Variants in NTRK3 observed in about 807,000 individuals in gnomAD.
The protein encoded by NTRK3 is NT-3 growth factor receptor.
Under a neutral mutation model 91.7 loss-of-function variants are expected in NTRK3, and 24 were observed. The ratio of observed to expected loss-of-function variants is 0.26; its 90% confidence interval spans 0.19 to 0.37. NTRK3 has a LOEUF of 0.37. NTRK3 is among the 10% of genes least tolerant of loss of function. The pLI is 1.00. For missense variants in NTRK3, 880 were observed against 1,068.9 expected (o/e 0.82, Z 2.46); for synonymous variants, 483 against 404.0 (o/e 1.20, Z -2.34).
At position 87,943,020 on chromosome 15, in the gene NTRK3, T is replaced by G. The variant is rs141292295; in HGVS notation, c.1586-2267A>C. On this transcript the variant is annotated intron_variant, in intron 14 of 18. Coordinates refer to ENST00000394480, the Ensembl canonical transcript of NTRK3. Reference sequence around the variant, plus strand: ...CCCCAGACTCCACCCCAATCCCACCTTTCCTCTGCATTGTAATAGGAGAAC... The same window carrying G: ...CCCCAGACTCCACCCCAATCCCACCGTTCCTCTGCATTGTAATAGGAGAAC... Among the ~76,000 whole-genome samples, 390 of 152,184 alleles carry G rather than the reference T, an allele frequency of 2.6e-3. 1 individual carries two copies. Among genetic ancestry groups the G allele is most frequent in the Non-Finnish European group, 4.6e-3 (311 of 68,012 alleles).
chr15:88,112,174 A>G (rs113509337), intron 13 of NTRK3, among the ~76,000 whole-genome samples: 538 of 152,248 alleles, frequency 3.5e-3, no homozygotes, highest in South Asian at 8.1e-3. Flanking sequence ...CCAAAGTGCT[A>G]GGATTACAGG....
At chr15:88,036,675 C>T (rs1417791533) in intron 13 of NTRK3, among the ~76,000 whole-genome samples, 5 of 152,124 alleles carry the variant, frequency 3.3e-5, no homozygotes, top group Non-Finnish European at 5.9e-5. Flanking sequence ...GGATCCATGC[C>T]CAGGCTGTCT....
chr15:88,120,821 T>G (rs1033353142), intron 13 of NTRK3, among the ~76,000 whole-genome samples: 1 of 152,224 alleles, frequency 6.6e-6, no homozygotes, highest in African/African-American at 2.4e-5. Flanking sequence ...AAGTCAAGTA[T>G]GTGGAAAAGC....
At chr15:87,956,764 G>T (rs1168496917) in intron 14 of NTRK3, among the ~76,000 whole-genome samples, 2 of 150,572 alleles carry the variant, frequency 1.3e-5, no homozygotes, top group Non-Finnish European at 3.0e-5. Flanking sequence ...TAGAGATGGG[G>T]TTTCGCCATG....
At chr15:87,988,643 G>T (rs1272122381) in intron 14 of NTRK3, among the ~76,000 whole-genome samples, 1 of 152,162 alleles carries the variant, frequency 6.6e-6, no homozygotes, top group African/African-American at 2.4e-5. Context: ...TAATTTAATG[G>T]TGTTTAGGGA....
chr15:88,025,932 A>G (rs28643331), intron 14 of NTRK3, among the ~76,000 whole-genome samples: 36,678 of 151,980 alleles, frequency 0.24, 7,296 homozygotes, highest in African/African-American at 0.55. Context: ...GCACTCCAGC[A>G]TGGGGACAAG....
At chr15:87,914,567 A>G (rs1370285853) in intron 17 of NTRK3, among the ~76,000 whole-genome samples, 1 of 152,254 alleles carries the variant, frequency 6.6e-6, no homozygotes, top group Non-Finnish European at 1.5e-5. Flanking sequence ...ACTTTTATTA[A>G]GCATTTTTAA....
At chr15:88,214,582 A>G (rs1367101924) in intron 3 of NTRK3, among the ~76,000 whole-genome samples, 1 of 151,966 alleles carries the variant, frequency 6.6e-6, no homozygotes, top group African/African-American at 2.4e-5. Context: ...CTGAACCTGG[A>G]ACAGCCACTG....
intron 18 of NTRK3, among the ~76,000 whole-genome samples, chr15:87,879,618 TAGAA>T (rs2065133394): frequency 4.6e-5 from 7 of 152,194 alleles, no homozygotes; most frequent in Non-Finnish European, 5.9e-5. Flanking sequence ...CTAACATGCT[TAGAA>T]AAGTGCCTAC....
At chr15:87,932,136 G>C (rs1420410437) in intron 16 of NTRK3, among the ~76,000 whole-genome samples, 1 of 152,216 alleles carries the variant, frequency 6.6e-6, no homozygotes, top group East Asian at 1.9e-4. Flanking sequence ...AGCCACCCTT[G>C]AAACTTCATC....
At chr15:88,002,168 GTTTTTTTTTTT>G (rs770668339) in intron 14 of NTRK3, among the ~76,000 whole-genome samples, 5 of 70,162 alleles carry the variant, frequency 7.1e-5, no homozygotes, top group African/African-American at 5.8e-5. Flanking sequence ...GATAGTGGTT[GTTTTTTTTTTT>G]TTTTTTTTTT....
intron 3 of NTRK3, among the ~76,000 whole-genome samples, chr15:88,211,267 A>G (rs1231887288): frequency 6.6e-6 from 1 of 152,222 alleles, no homozygotes; most frequent in East Asian, 1.9e-4. Flanking sequence ...AAATATGCAC[A>G]TGCATTTGTA....
intron 17 of NTRK3, among the ~76,000 whole-genome samples, chr15:87,886,968 A>G (rs2065592077): frequency 6.6e-6 from 1 of 151,962 alleles, no homozygotes; most frequent in Non-Finnish European, 1.5e-5. Context: ...TTGATGTAAA[A>G]AAAATAGAAG....
At chr15:88,028,035 G>A (rs1225312635) in intron 14 of NTRK3, among the ~76,000 whole-genome samples, 1 of 152,140 alleles carries the variant, frequency 6.6e-6, no homozygotes, top group African/African-American at 2.4e-5. Context: ...GGAAAGGAGA[G>A]GGAGTGAGGG....
At chr15:88,188,494 G>A (rs2047130229) in intron 3 of NTRK3, among the ~76,000 whole-genome samples, 2 of 152,162 alleles carry the variant, frequency 1.3e-5, no homozygotes, top group Non-Finnish European at 2.9e-5. Flanking sequence ...AGCCCCAAAT[G>A]TCCACAGCAC....
intron 13 of NTRK3, among the ~76,000 whole-genome samples, chr15:88,107,411 C>T (rs768872662): frequency 1.3e-5 from 2 of 152,174 alleles, no homozygotes; most frequent in African/African-American, 4.8e-5. Context: ...TTACTGCACT[C>T]CAGCCTGGGT....
chr15:88,244,165 C>T lies in NTRK3; in HGVS notation c.248+11741G>A, dbSNP rs1598151867. On this transcript the variant is annotated intron_variant, in intron 3 of 18. Coordinates refer to ENST00000394480, the Ensembl canonical transcript of NTRK3. The stretch of plus-strand genomic sequence containing the variant: ...TGACCCCAGCAGGCCAAGGGGATCT[C>T]ATACATATCTCCTGGGTGTGACCTA... Among the ~76,000 whole-genome samples, 4 of 152,268 alleles carry T rather than the reference C, an allele frequency of 2.6e-5. No individual in the cohort carries two copies. The Middle Eastern group carries it at 0.014, about 518-fold the overall frequency.
Position 88,128,606 on chromosome 15 carries a change from T to C in NTRK3, c.1228+105A>G, listed in dbSNP as rs557514550. ...TTCACTCAGATGCCCTCAGCTGCCA[T>C]GGGCCAGGGATGATGTGGAATAGGA... On this transcript the variant is annotated intron_variant, in intron 11 of 18. Coordinates refer to ENST00000394480, the Ensembl canonical transcript of NTRK3. The C allele has an allele frequency of 4.0e-4, 495 of 1,227,930 alleles. 1 individual carries two copies. In the Middle Eastern group the frequency reaches 6.2e-3, roughly 15 times the overall value. 76.1% of individuals were successfully genotyped at this position (1,227,930 alleles called of 1,614,324 possible). A position where few individuals can be genotyped will look rare whatever the true frequency, so the allele number is the denominator to read the frequency against.
At chr15:88,204,433 G>A (rs2048570721) in intron 3 of NTRK3, among the ~76,000 whole-genome samples, 1 of 152,192 alleles carries the variant, frequency 6.6e-6, no homozygotes, top group Non-Finnish European at 1.5e-5. Flanking sequence ...TTATAGAAAT[G>A]TAGGGAAGCC....
Sources: gnomAD v4.1 joint callset for allele counts (sites outside exome capture counted in the v4.1 genomes callset) on GRCh38, gnomAD v4.1.1 for gene constraint, MANE v1.5 for transcripts, NCBI Gene and HGNC (gene_info 2026-07-23, HGNC 2026-07-21) for gene names.